Variants in UQCRC2 observed in about 807,000 individuals in gnomAD.
The protein encoded by UQCRC2 is ubiquinol-cytochrome c reductase core protein 2.
UQCRC2 carries 49 observed loss-of-function variants against 55.6 expected under a neutral mutation model. The ratio of observed to expected loss-of-function variants is 0.88; its 90% CI spans 0.70 to 1.12. The LOEUF (loss-of-function observed/expected upper bound fraction) is 1.12, where lower values mean the gene tolerates loss of function less well. Among genes scored for constraint, UQCRC2 ranks in the 50% most tolerant of loss-of-function variants. The pLI, the probability that UQCRC2 is intolerant of heterozygous loss-of-function variation, is 0.00. For missense variants in UQCRC2, 506 were observed against 547.8 expected (o/e 0.92, Z 0.76); for synonymous variants, 193 against 192.0 (o/e 1.01, Z -0.04).
intron 12 of UQCRC2, among the ~76,000 whole-genome samples, chr16:21,978,043 A>G (rs1275910294): frequency 6.6e-6 from 1 of 152,168 alleles, no homozygotes; most frequent in Non-Finnish European, 1.5e-5. Flanking sequence ...ATTTAAGAAA[A>G]CGTATTTTCT....
At chr16:21,957,025 C>T (rs918683356) in intron 1 of UQCRC2, among the ~76,000 whole-genome samples, 4 of 151,090 alleles carry the variant, frequency 2.6e-5, no homozygotes, top group Non-Finnish European at 2.9e-5. Context: ...GCTGAGATTG[C>T]GCCACTGCAC....
Position 21,976,175 on chromosome 16 carries a change from G to T in UQCRC2, c.1056G>T (p.Lys352Asn). 6.2e-7 allele frequency: 1 copy of T among 1,613,844 alleles called. No homozygotes were observed. Among genetic ancestry groups the T allele is most frequent in the Non-Finnish European group, 8.5e-7 (1 of 1,179,816 alleles). ...SQATAAGDVI[K>N]AAYNQVKTIA... ...TTTCTTATCTGTCCTAGGTTATCAA[G>T]GCTGCCTATAATCAAGTAAAAACAA... The change falls in exon 12 of 14, where the codon AAG (lysine) becomes AAT (asparagine). Residue 352 changes from lysine (K) to asparagine (N), a missense_variant. Physicochemically the swap from Lys to Asn is moderately conservative, Grantham distance 94 (BLOSUM62 0). Coordinates refer to ENST00000268379, the MANE Select transcript of UQCRC2 (RefSeq NM_003366.4).
In UQCRC2 at chr16:21,960,933, C is replaced by G. The variant is rs188715406; in HGVS notation, c.333-1527C>G. On this transcript the variant is annotated intron_variant, in intron 4 of 13. Coordinates refer to ENST00000268379, the MANE Select transcript of UQCRC2 (RefSeq NM_003366.4). The stretch of plus-strand genomic sequence containing the variant: ...GCAGCCTTGAACTCCTGGGCCCAAG[C>G]GATTCTTCTCCCTCCGCTTCCCAAG... Among the ~76,000 whole-genome samples, 24 of 152,140 alleles carry G rather than the reference C, an allele frequency of 1.6e-4. No individual in the cohort carries two copies. In the East Asian group the frequency reaches 4.6e-3, roughly 29 times the overall value.
At chr16:21,971,175 A>T (rs1898451560) in intron 8 of UQCRC2, among the ~76,000 whole-genome samples, 2 of 152,206 alleles carry the variant, frequency 1.3e-5, no homozygotes, top group African/African-American at 4.8e-5. Flanking sequence ...GGGATTCTTT[A>T]TAACCATTAA....
chr16:21,976,417 C>G (rs1360237817), intron 12 of UQCRC2, 174 bp downstream of exon 12: 1 of 564,936 alleles, frequency 1.8e-6, no homozygotes. Flanking sequence ...AACATTTTGG[C>G]CAGGCACAGT....
intron 9 of UQCRC2, 29 bp downstream of exon 9, chr16:21,971,649 T>G: frequency 3.1e-6 from 5 of 1,604,262 alleles, no homozygotes; most frequent in Non-Finnish European, 4.3e-6. Flanking sequence ...TAGGGTTAAT[T>G]TATCAGAAGG....
intron 4 of UQCRC2, chr16:21,959,347 G>A (rs574881346): frequency 3.7e-6 from 1 of 269,576 alleles, no homozygotes. Context: ...AGTGTTCACA[G>A]CATCTTCAAC....
chr16:21,955,624 T>C (rs993487116), intron 1 of UQCRC2, among the ~76,000 whole-genome samples: 2 of 152,176 alleles, frequency 1.3e-5, no homozygotes, highest in Non-Finnish European at 2.9e-5. Flanking sequence ...CCTTTCACCC[T>C]ACCAGTAACT....
intron 12 of UQCRC2, 69 bp downstream of exon 12, chr16:21,976,312 C>A: frequency 7.7e-7 from 1 of 1,306,160 alleles, no homozygotes; most frequent in Non-Finnish European, 1.1e-6. Context: ...CAGATTATAA[C>A]AATATTACAA....
intron 10 of UQCRC2, among the ~76,000 whole-genome samples, chr16:21,972,840 G>A (rs1455274165): frequency 3.9e-5 from 6 of 152,132 alleles, no homozygotes; most frequent in African/African-American, 9.7e-5. Flanking sequence ...AGTGGCTCAC[G>A]CCTGTAATCC....
At chr16:21,958,856 A>G (rs1399680735) in intron 4 of UQCRC2, among the ~76,000 whole-genome samples, 1 of 152,202 alleles carries the variant, frequency 6.6e-6, no homozygotes, top group East Asian at 1.9e-4. Flanking sequence ...GACCACCACA[A>G]TGAAGGGAAT....
chr16:21,977,519 A>G (rs1898615399), intron 12 of UQCRC2, among the ~76,000 whole-genome samples: 1 of 152,222 alleles, frequency 6.6e-6, no homozygotes, highest in Non-Finnish European at 1.5e-5. Context: ...AAGAAAGACT[A>G]AAATACTTGT....
At chr16:21,954,115 C>G (rs1275107545) in intron 1 of UQCRC2, among the ~76,000 whole-genome samples, 81 of 152,016 alleles carry the variant, frequency 5.3e-4, no homozygotes, top group Admixed American at 5.3e-3. Context: ...CACTGTGGGA[C>G]AGTGGTTATT....
chr16:21,978,432 A>G (rs1035878471), intron 12 of UQCRC2, among the ~76,000 whole-genome samples: 7 of 152,110 alleles, frequency 4.6e-5, no homozygotes, highest in Admixed American at 1.3e-4. Flanking sequence ...GAGAATTGTG[A>G]ATTGGATTTT....
Position 21,973,942 on chromosome 16 carries a change from T to C in UQCRC2, c.1013T>C (p.Ile338Thr). Reference sequence around the variant, plus strand: ...TACTCAGATTCTGGACTCTTTGGGATTTATACTATCTCCCAGGCCACAGCT... The same window carrying C: ...TACTCAGATTCTGGACTCTTTGGGACTTATACTATCTCCCAGGCCACAGCT... ...ASYSDSGLFG[I>T]YTISQATAAG... Residue 338 changes from isoleucine (I) to threonine (T), a missense_variant, in exon 11 of 14, where the codon ATT becomes ACT. Transcript: ENST00000268379. 6.2e-7 allele frequency: 1 copy of C among 1,612,168 alleles called. No homozygotes were observed.
At chr16:21,954,000 A>G (rs533017369) in intron 1 of UQCRC2, among the ~76,000 whole-genome samples, 3 of 152,208 alleles carry the variant, frequency 2.0e-5, no homozygotes, top group Non-Finnish European at 4.4e-5. Context: ...CGGTTCCTCC[A>G]AGACGTCTCT....
chr16:21,979,750 C>A lies in UQCRC2; in HGVS notation c.1125-797C>A, dbSNP rs544227068. Among the ~76,000 whole-genome samples, 9 of 152,232 alleles carry A rather than the reference C, an allele frequency of 5.9e-5. No individual in the cohort carries two copies. The East Asian group carries it at 1.7e-3, about 29-fold the overall frequency. ...CTAAACACTGTAAACATAGGCTACG[C>A]TAAATTTATTTTTTTAAAATTGCAC... On this transcript the variant is annotated intron_variant, in intron 12 of 13. Transcript: ENST00000268379.
intron 12 of UQCRC2, among the ~76,000 whole-genome samples, chr16:21,978,683 A>G (rs1380083881): frequency 6.6e-6 from 1 of 152,236 alleles, no homozygotes; most frequent in African/African-American, 2.4e-5. Flanking sequence ...TCGTACTGAC[A>G]GCTTTCCAAA....
chr16:21,971,315 G>A (rs1898454335), intron 8 of UQCRC2, among the ~76,000 whole-genome samples: 1 of 152,266 alleles, frequency 6.6e-6, no homozygotes, highest in South Asian at 2.1e-4. Flanking sequence ...AATTCTAGAT[G>A]AATAGTAATA....
Sources: allele counts gnomAD v4.1 joint callset (sites outside exome capture counted in the v4.1 genomes callset), GRCh38; gene constraint gnomAD v4.1.1; transcripts MANE v1.5; gene names NCBI Gene and HGNC (gene_info 2026-07-23, HGNC 2026-07-21).